CNOT6: variants seen among roughly 807,000 people sequenced by gnomAD.
CNOT6 encodes CCR4-NOT transcription complex subunit 6, also known as carbon catabolite repression 4 protein.
A neutral mutation model predicts 61.2 loss-of-function variants in CNOT6; 12 were observed. The ratio of observed to expected loss-of-function variants is 0.20; its 90% CI spans 0.13 to 0.32. CNOT6 has a LOEUF of 0.32. Ranked by LOEUF, CNOT6 falls within the 10% of genes least tolerant of loss-of-function variation. CNOT6 has a pLI of 1.00. For synonymous variants in CNOT6, 225 were observed against 240.6 expected, an observed-to-expected ratio of 0.94 and a Z score of 0.60; for missense variants, 405 against 663.9, an observed-to-expected ratio of 0.61 and a Z score of 4.28.
chr5:180,504,648 A>T (rs1757039280), intron 1 of CNOT6, among the ~76,000 whole-genome samples: 1 of 152,174 alleles, frequency 6.6e-6, no homozygotes, highest in East Asian at 1.9e-4. Flanking sequence ...AGGATTGATG[A>T]CTTCCCCACT....
intron 1 of CNOT6, among the ~76,000 whole-genome samples, chr5:180,501,690 T>C (rs574998502): frequency 6.6e-5 from 10 of 152,234 alleles, no homozygotes; most frequent in South Asian, 4.1e-4. Context: ...GTGAAACTTA[T>C]GGACCACAAG....
intron 1 of CNOT6, among the ~76,000 whole-genome samples, chr5:180,506,520 A>G (rs1477752652): frequency 6.6e-6 from 1 of 152,212 alleles, no homozygotes; most frequent in Non-Finnish European, 1.5e-5. Flanking sequence ...CTATATGCCT[A>G]GTGCAGTGCA....
chr5:180,531,160 C>T (rs1481036232), intron 2 of CNOT6, among the ~76,000 whole-genome samples: 1 of 136,648 alleles, frequency 7.3e-6, no homozygotes, highest in Non-Finnish European at 1.6e-5. Flanking sequence ...AGGCGCCCCC[C>T]ACCTCCCTCC....
At chr5:180,529,220 G>A in intron 1 of CNOT6, 55 bp from the exon 2 acceptor site, 1 of 871,600 alleles carries the variant, frequency 1.1e-6, no homozygotes, top group Non-Finnish European at 1.8e-6. Context: ...AAAAGGTGTT[G>A]TGGCTTTTGT....
intron 1 of CNOT6, among the ~76,000 whole-genome samples, chr5:180,500,670 A>G (rs1312126201): frequency 6.6e-6 from 1 of 152,222 alleles, no homozygotes; most frequent in East Asian, 1.9e-4. Context: ...TTTAAATAGT[A>G]CTATAACTCA....
Position 180,577,543 on chromosome 5 carries a change from T to TAG in CNOT6, c.*3343_*3344insAG, listed in dbSNP as rs1761063023. On this transcript the variant is annotated 3_prime_UTR_variant, in exon 12 of 12. Transcript: ENST00000261951. ...TAATTCCAAGAACTCCTTCAGCAGG[T>TAG]GTTCTTCACCATTCGTAAACAGTAT... The TAG allele has an allele frequency of 6.6e-6, 1 of 152,658 alleles. No homozygotes were observed. The allele number at this position is 152,658 out of a possible 1,614,324, so 9.5% of individuals were successfully genotyped here.
At chr5:180,497,065 C>A (rs137944190) in intron 1 of CNOT6, among the ~76,000 whole-genome samples, 2,260 of 152,230 alleles carry the variant, frequency 0.015, 48 homozygotes, top group African/African-American at 0.051. Context: ...CGGTGACTCA[C>A]GCCTGTAATC....
chr5:180,498,300 T>A (rs576838364), intron 1 of CNOT6, among the ~76,000 whole-genome samples: 2 of 152,302 alleles, frequency 1.3e-5, no homozygotes, highest in South Asian at 2.1e-4. Flanking sequence ...GGCCATAGTG[T>A]TTTAACACTG....
At chr5:180,544,559 T>C (rs72812983) in intron 2 of CNOT6, among the ~76,000 whole-genome samples, 2,877 of 152,318 alleles carry the variant, frequency 0.019, 38 homozygotes, top group Non-Finnish European at 0.027. Flanking sequence ...TCCTTTCCCT[T>C]ATTCCCAGAC....
chr5:180,533,255 C>T (rs1758479437), intron 2 of CNOT6, among the ~76,000 whole-genome samples: 1 of 149,648 alleles, frequency 6.7e-6, no homozygotes, highest in Admixed American at 6.7e-5. Context: ...GCCTTAAGCA[C>T]TCTAACATTA....
chr5:180,536,720 C>T (rs1360088288), intron 2 of CNOT6, among the ~76,000 whole-genome samples: 1 of 152,218 alleles, frequency 6.6e-6, no homozygotes, highest in African/African-American at 2.4e-5. Context: ...AAGCAATCCT[C>T]CTTCCTCAGC....
chr5:180,505,603 AG>A (rs534096346), intron 1 of CNOT6, among the ~76,000 whole-genome samples: 338 of 131,678 alleles, frequency 2.6e-3, no homozygotes, highest in African/African-American at 9.2e-3. Context: ...TCTGGACTGC[AG>A]TGGCGCGATC....
rs1265953152 is a variant in CNOT6 at position 180,530,806 on chromosome 5, A to G, written c.112+1418A>G. ...GCTGCCTTCAAGCATCTGTTTAACA[A>G]AGCACATCTTGCACCGCCCTTAATC... On this transcript the variant is annotated intron_variant, in intron 2 of 11. Transcript: ENST00000261951. Among the ~76,000 whole-genome samples the G allele has an allele frequency of 2.0e-5, 3 of 152,316 alleles. No individual in the cohort carries two copies. The East Asian group carries it at 5.8e-4, about 29-fold the overall frequency.
At chr5:180,567,045 A>ATTTTTGTCTTATGAAATAACTGTGC in intron 7 of CNOT6, 43 bp from the exon 8 acceptor site, 2 of 1,556,906 alleles carry the variant, frequency 1.3e-6, no homozygotes, top group Non-Finnish European at 1.7e-6. Context: ...ATGCAGACTA[A>ATTTTTGTCTTATGAAATAACTGTGC]TTTTTGTCTT....
At chr5:180,525,432 G>A (rs570427045) in intron 1 of CNOT6, among the ~76,000 whole-genome samples, 3 of 152,088 alleles carry the variant, frequency 2.0e-5, no homozygotes, top group Non-Finnish European at 2.9e-5. Flanking sequence ...CCAACTACAC[G>A]GGAGGCTGAG....
chr5:180,573,015 G>A (rs1225805770), intron 11 of CNOT6, among the ~76,000 whole-genome samples: 1 of 152,186 alleles, frequency 6.6e-6, no homozygotes, highest in East Asian at 1.9e-4. Context: ...TTGCACCTTA[G>A]AGCATAGAAA....
chr5:180,501,157 A>T (rs192834378), intron 1 of CNOT6, among the ~76,000 whole-genome samples: 3 of 152,316 alleles, frequency 2.0e-5, no homozygotes, highest in Admixed American at 2.0e-4. Context: ...TTCATGTAAC[A>T]TACTTTTTCA....
At chr5:180,536,156 C>T (rs929227776) in intron 2 of CNOT6, among the ~76,000 whole-genome samples, 4 of 91,536 alleles carry the variant, frequency 4.4e-5, no homozygotes, top group African/African-American at 1.5e-4. Flanking sequence ...CCACCACACC[C>T]GGCTAATTTT....
chr5:180,549,912 G>T lies in CNOT6; in HGVS notation c.113-19G>T. 1.9e-6 allele frequency: 3 copies of T among 1,578,442 alleles called. No individual in the cohort carries two copies. Among genetic ancestry groups the T allele is most frequent in the Non-Finnish European group, 2.6e-6 (3 of 1,152,354 alleles). ...AGAGAAAACTATATAATCCGTTCCTGTATTTTTTTCTCTTACAGGAAAAGT... is the reference window on the plus strand; with the variant it reads ...AGAGAAAACTATATAATCCGTTCCTTTATTTTTTTCTCTTACAGGAAAAGT... On this transcript the variant is annotated intron_variant, in intron 2 of 11. Coordinates refer to ENST00000261951, the MANE Select transcript of CNOT6 (RefSeq NM_001370472.1).
Sources: allele counts gnomAD v4.1 joint callset (sites outside exome capture counted in the v4.1 genomes callset), GRCh38; gene constraint gnomAD v4.1.1; transcripts MANE v1.5; gene names NCBI Gene and HGNC (gene_info 2026-07-23, HGNC 2026-07-21).